TVP23C: variants seen among roughly 807,000 people sequenced by gnomAD.
TVP23C encodes the protein trans-golgi network vesicle protein 23 homolog C, also known as Golgi apparatus membrane protein TVP23 homolog C.
Under a neutral mutation model 28.7 loss-of-function variants are expected in TVP23C, and 19 were observed. The observed-to-expected ratio is 0.66, with a 90% CI of 0.46 to 0.97. TVP23C has a LOEUF of 0.97. TVP23C is among the 50% of genes least tolerant of loss of function. The pLI is 0.00. For synonymous variants in TVP23C, 68 were observed against 81.7 expected, an observed-to-expected ratio of 0.83 and a Z score of 0.90; for missense variants, 186 against 241.3, an observed-to-expected ratio of 0.77 and a Z score of 1.52.
chr17:15,507,690 T>C (rs1362439874), intron 5 of TVP23C, among the ~76,000 whole-genome samples: 1 of 151,974 alleles, frequency 6.6e-6, no homozygotes, highest in Non-Finnish European at 1.5e-5. Flanking sequence ...TACAAAAAAA[T>C]TAGCCGGGTC....
downstream of TVP23C, among the ~76,000 whole-genome samples, chr17:15,534,578 TACAC>T (rs370038704): frequency 0.012 from 1,462 of 125,006 alleles, 30 homozygotes; most frequent in African/African-American, 0.038. Flanking sequence ...CCATCACTTC[TACAC>T]ACACACACAC....
Position 15,519,754 on chromosome 17 carries a change from T to C in TVP23C, c.463-16522A>G, listed in dbSNP as rs531938784. ...TGAAGCCCTGTATCTACTAAAAAAT[T>C]AGCTGGGCGTGGTGGCAGGCACCTG... On this transcript the variant is annotated intron_variant, in intron 5 of 5. Coordinates refer to the TVP23C transcript ENST00000225576. Among the ~76,000 whole-genome samples the C allele has an allele frequency of 1.2e-4, 19 of 152,022 alleles. No homozygotes were observed. The South Asian group carries it at 2.9e-3, about 23-fold the overall frequency.
chr17:15,537,909 CAAT>C lies in TVP23C; in HGVS notation c.*2500_*2502del. ...ACCTACACCACAGAACAAATCTTAA[CAAT>C]GTTTCTAGTGCCAACATATACTTTC... On this transcript the variant is annotated 3_prime_UTR_variant, in exon 6 of 6. Coordinates refer to ENST00000518321, the MANE Select transcript of TVP23C (RefSeq NM_001135036.2). The C allele has an allele frequency of 7.0e-7, 1 of 1,431,688 alleles. No homozygotes were observed. The highest frequency in any genetic ancestry group is 9.1e-7 in the Non-Finnish European group (1 of 1,094,624). 88.7% of individuals were successfully genotyped at this position (1,431,688 alleles called of 1,614,324 possible). A position where few individuals can be genotyped will look rare whatever the true frequency, so the allele number is the denominator to read the frequency against.
rs892731932 is a variant in TVP23C at position 15,522,725 on chromosome 17, A to G, written c.463-19493T>C. On this transcript the variant is annotated intron_variant, in intron 5 of 5. Coordinates refer to the TVP23C transcript ENST00000225576. Reference sequence around the variant, plus strand: ...CATAAAAGTTGGTAAGTTTGGCTACATTTTTAAAAAAACTTATATAAGTCA... The same window carrying G: ...CATAAAAGTTGGTAAGTTTGGCTACGTTTTTAAAAAAACTTATATAAGTCA... Among the ~76,000 whole-genome samples, 5 of 152,302 alleles carry G rather than the reference A, an allele frequency of 3.3e-5. No homozygotes were observed. The East Asian group carries it at 7.7e-4, about 23-fold the overall frequency.
At chr17:15,544,712 G>A (rs1385554847) in intron 5 of TVP23C, among the ~76,000 whole-genome samples, 2 of 151,910 alleles carry the variant, frequency 1.3e-5, no homozygotes, top group Non-Finnish European at 2.9e-5. Context: ...CATGAAAGAG[G>A]GTAATGATAT....
chr17:15,563,413 C>G (rs761627340), intron 1 of TVP23C, 24 bp downstream of exon 1: 17 of 1,588,478 alleles, frequency 1.1e-5, no homozygotes, highest in Non-Finnish European at 1.5e-5. Flanking sequence ...CCGCCACCCT[C>G]CCAGCGCGCC....
chr17:15,542,711 G>A (rs1452589325), intron 5 of TVP23C, among the ~76,000 whole-genome samples: 3 of 152,100 alleles, frequency 2.0e-5, no homozygotes, highest in Admixed American at 6.5e-5. Context: ...TCCTGACCTC[G>A]TGATCCGCCC....
At chr17:15,512,494 C>CA (rs1982041469) in intron 5 of TVP23C, among the ~76,000 whole-genome samples, 1 of 152,106 alleles carries the variant, frequency 6.6e-6, no homozygotes, top group African/African-American at 2.4e-5. Flanking sequence ...TGACAACACT[C>CA]AAACAATCCC....
exon 6 of TVP23C, chr17:15,502,920 T>C (rs1981539133): frequency 1.9e-6 from 3 of 1,612,998 alleles, no homozygotes; most frequent in Non-Finnish European, 2.5e-6. Flanking sequence ...GTTCCTCTGC[T>C]ATTGGGACTC....
chr17:15,506,749 C>G, intron 5 of TVP23C: 1 of 376,390 alleles, frequency 2.7e-6, no homozygotes, highest in South Asian at 2.2e-5. Flanking sequence ...ATCCGAACAT[C>G]AGAAGGAACA....
At chr17:15,502,731 T>A in exon 6 of TVP23C, 2 of 833,984 alleles carry the variant, frequency 2.4e-6, no homozygotes, top group South Asian at 2.8e-5. Flanking sequence ...TCTCTCTCTC[T>A]TTCTCTCTCC....
intron 5 of TVP23C, among the ~76,000 whole-genome samples, chr17:15,505,809 T>TG (rs56056503): frequency 1 from 152,287 of 152,288 alleles, 76,143 homozygotes; most frequent in Non-Finnish European, 1. Flanking sequence ...CCAGCCCTGC[T>TG]GCCCCGGGCA....
chr17:15,554,416 T>G (rs897767140), intron 2 of TVP23C, among the ~76,000 whole-genome samples: 2 of 151,930 alleles, frequency 1.3e-5, no homozygotes, highest in African/African-American at 4.8e-5. Context: ...TTTTTGTATT[T>G]TTAGTAGAGA....
intron 5 of TVP23C, among the ~76,000 whole-genome samples, chr17:15,529,573 G>A (rs1228308589): frequency 2.0e-5 from 3 of 152,096 alleles, no homozygotes; most frequent in East Asian, 1.9e-4. Context: ...TTTTTCTGAT[G>A]AATTGGTCCT....
chr17:15,516,455 GCAGGGCTGGTTTCCTCTAAGGCCTCTCT>G, intron 5 of TVP23C: 1 of 152,414 alleles, frequency 6.6e-6, no homozygotes, highest in African/African-American at 2.4e-5. Context: ...CAAGGTGTCA[GCAGGGCTGGTTTCCTCTAAGGCCTCTCT>G]CCTTGGCTTG....
downstream of TVP23C, among the ~76,000 whole-genome samples, chr17:15,536,005 A>G (rs1162806779): frequency 6.6e-6 from 1 of 152,112 alleles, no homozygotes; most frequent in Non-Finnish European, 1.5e-5. Context: ...TAGCCTGGCC[A>G]TTGTGGTGAA....
chr17:15,526,817 A>T (rs8081114), intron 5 of TVP23C, among the ~76,000 whole-genome samples: 2,772 of 152,334 alleles, frequency 0.018, 87 homozygotes, highest in African/African-American at 0.062. Context: ...ACTCATTCGT[A>T]GCTGTGTTGG....
intron 5 of TVP23C, among the ~76,000 whole-genome samples, chr17:15,523,869 T>C (rs1982596457): frequency 6.6e-6 from 1 of 152,160 alleles, no homozygotes; most frequent in African/African-American, 2.4e-5. Context: ...CGCCTCGGCC[T>C]CCCAAAGTGC....
intron 5 of TVP23C, among the ~76,000 whole-genome samples, chr17:15,505,831 G>T (rs1375671995): frequency 6.6e-6 from 1 of 152,210 alleles, no homozygotes; most frequent in African/African-American, 2.4e-5. Context: ...TGAGCACCCG[G>T]GCCAGCGGCT....
Sources: gnomAD v4.1 joint callset for allele counts (sites outside exome capture counted in the v4.1 genomes callset) on GRCh38, gnomAD v4.1.1 for gene constraint, MANE v1.5 for transcripts, NCBI Gene and HGNC (gene_info 2026-07-23, HGNC 2026-07-21) for gene names.